The following COL21A1 variants were observed in gnomAD, a reference collection of about 807,000 sequenced individuals.
The protein encoded by COL21A1 is collagen type XXI alpha 1 chain.
A neutral mutation model predicts 137.9 loss-of-function variants in COL21A1; 149 were observed. That is an observed-to-expected ratio of 1.08 (90% CI 0.95 to 1.24). COL21A1 has a LOEUF of 1.24. Ranked by LOEUF, COL21A1 falls within the 50% of genes most tolerant of loss-of-function variation. The pLI, the probability that COL21A1 is intolerant of heterozygous loss-of-function variation, is 0.00. For synonymous variants in COL21A1, 456 were observed against 391.5 expected (o/e 1.16, Z -1.95); for missense variants, 1,167 against 1,158.4 (o/e 1.01, Z -0.11).
At chr6:56,326,280 G>T (rs901672012) in intron 1 of COL21A1, among the ~76,000 whole-genome samples, 1 of 150,956 alleles carries the variant, frequency 6.6e-6, no homozygotes, top group Non-Finnish European at 1.5e-5. Context: ...ATCAATGGAG[G>T]TTATTTTGAA....
chr6:56,280,361 G>T (rs1763761854), intron 1 of COL21A1, among the ~76,000 whole-genome samples: 1 of 152,058 alleles, frequency 6.6e-6, no homozygotes, highest in Admixed American at 6.6e-5. Flanking sequence ...GTTTTTCAAC[G>T]CTTCTCCAAA....
intron 1 of COL21A1, among the ~76,000 whole-genome samples, chr6:56,361,779 G>T (rs1765973823): frequency 6.6e-6 from 1 of 150,596 alleles, no homozygotes; most frequent in Non-Finnish European, 1.5e-5. Flanking sequence ...TGTGTGTGTG[G>T]TGTGTGTGTG....
chr6:56,283,342 C>G (rs545880979), intron 1 of COL21A1, among the ~76,000 whole-genome samples: 1 of 151,390 alleles, frequency 6.6e-6, no homozygotes, highest in African/African-American at 2.4e-5. Flanking sequence ...AATATTTAAC[C>G]ATGTAGAAAA....
In COL21A1 at chr6:56,364,014, G is replaced by A. The variant is rs550848470; in HGVS notation, c.-39+29957C>T. 3.2e-3 allele frequency among the ~76,000 whole-genome samples: 484 copies of A among 152,302 alleles called. 4 individuals carry two copies. The highest frequency in any genetic ancestry group is 0.011 in the African/African-American group (452 of 41,572). On this transcript the variant is annotated intron_variant, in intron 1 of 28. Transcript: ENST00000370819. ...TTGATGGCTGACATAATCAGCAAGC[G>A]TTCAATAGGTTGGAAAGCTGCCAAG...
At chr6:56,223,042 C>CAA (rs3065976) in intron 1 of COL21A1, among the ~76,000 whole-genome samples, 3 of 149,288 alleles carry the variant, frequency 2.0e-5, no homozygotes, top group Non-Finnish European at 3.0e-5. Flanking sequence ...CTATTCAGAA[C>CAA]AAAAAAAAAA....
chr6:56,073,654 T>C (rs1766956765), intron 20 of COL21A1, among the ~76,000 whole-genome samples: 1 of 151,534 alleles, frequency 6.6e-6, no homozygotes, highest in African/African-American at 2.4e-5. Flanking sequence ...CACAGGATTA[T>C]ATATAGCTAG....
intron 17 of COL21A1, among the ~76,000 whole-genome samples, chr6:56,095,584 C>T (rs1005834174): frequency 6.6e-6 from 1 of 152,202 alleles, no homozygotes; most frequent in African/African-American, 2.4e-5. Context: ...TCCCTAAAAG[C>T]TCACCTACTG....
intron 1 of COL21A1, among the ~76,000 whole-genome samples, chr6:56,284,418 C>T (rs765293280): frequency 4.6e-5 from 7 of 152,188 alleles, no homozygotes; most frequent in Non-Finnish European, 1.0e-4. Flanking sequence ...GGAAAACTTA[C>T]TGTTATCTTA....
chr6:56,310,976 T>C (rs1262629321), intron 1 of COL21A1, among the ~76,000 whole-genome samples: 4 of 152,188 alleles, frequency 2.6e-5, no homozygotes, highest in Non-Finnish European at 4.4e-5. Context: ...GGCACAGATG[T>C]AGCAAATTAA....
intron 1 of COL21A1, among the ~76,000 whole-genome samples, chr6:56,274,281 G>A (rs1763591016): frequency 6.6e-6 from 1 of 152,114 alleles, no homozygotes; most frequent in African/African-American, 2.4e-5. Context: ...GCCAAAGCTG[G>A]AAGCATTCCC....
intron 10 of COL21A1, among the ~76,000 whole-genome samples, chr6:56,142,405 C>A (rs1044012094): frequency 6.6e-6 from 1 of 152,122 alleles, no homozygotes; most frequent in African/African-American, 2.4e-5. Flanking sequence ...ATAAATTAAT[C>A]TTTAATTAAT....
intron 1 of COL21A1, among the ~76,000 whole-genome samples, chr6:56,288,730 T>G (rs1175216758): frequency 3.3e-5 from 5 of 152,174 alleles, no homozygotes; most frequent in Non-Finnish European, 7.4e-5. Flanking sequence ...AGCACTTTAA[T>G]GATTAGCTGC....
rs776370921 is a variant in COL21A1 at position 56,142,003 on chromosome 6, G to GA, written c.1435-21dup. 3.1e-5 allele frequency: 46 copies of GA among 1,466,614 alleles called. No individual in the cohort carries two copies. The highest frequency in any genetic ancestry group is 6.6e-5 in the South Asian group (5 of 75,306). The allele number at this position is 1,466,614 out of a possible 1,614,324, so 90.9% of individuals were successfully genotyped here. A position where few individuals can be genotyped will look rare whatever the true frequency, so the allele number is the denominator to read the frequency against. On this transcript the variant is annotated intron_variant, in intron 10 of 29. Coordinates refer to ENST00000244728, the MANE Select transcript of COL21A1 (RefSeq NM_030820.4). ...ATATCCCTAAAGAAAAATTTAAAAA[G>GA]AAAAAAAATAATATTTCATCATATT...
intron 9 of COL21A1, 145 bp downstream of exon 9, chr6:56,164,278 A>C: frequency 1.6e-6 from 1 of 624,014 alleles, no homozygotes; most frequent in Non-Finnish European, 2.8e-6. Context: ...TTTCTAGAAA[A>C]AAAATGACTA....
intron 13 of COL21A1, 68 bp downstream of exon 13, chr6:56,126,028 A>G: frequency 3.4e-6 from 3 of 883,736 alleles, no homozygotes; most frequent in Non-Finnish European, 5.2e-6. Flanking sequence ...TATTTGTAAT[A>G]TAAAAGTACT....
intron 9 of COL21A1, among the ~76,000 whole-genome samples, chr6:56,159,634 CT>C (rs11449474): frequency 0.023 from 2,812 of 123,536 alleles, 54 homozygotes; most frequent in African/African-American, 0.06. Context: ...CCTGGCCTTA[CT>C]TTTTTTTTTT....
chr6:56,164,355 G>A, intron 9 of COL21A1, 68 bp downstream of exon 9: 1 of 1,002,836 alleles, frequency 1.0e-6, no homozygotes, highest in Admixed American at 2.0e-5. Flanking sequence ...TGGTGATTAG[G>A]AATTGTATGG....
At chr6:56,366,266 A>C (rs965545897) in intron 1 of COL21A1, among the ~76,000 whole-genome samples, 4 of 152,190 alleles carry the variant, frequency 2.6e-5, no homozygotes, top group African/African-American at 9.7e-5. Context: ...CAGCCTCGCC[A>C]AGTCTGAGCC....
intron 12 of COL21A1, among the ~76,000 whole-genome samples, chr6:56,138,137 G>A (rs1264782554): frequency 6.6e-6 from 1 of 151,996 alleles, no homozygotes; most frequent in Non-Finnish European, 1.5e-5. Flanking sequence ...TCCATAAAAA[G>A]TAGAGAAATT....
Sources: allele counts gnomAD v4.1 joint callset (sites outside exome capture counted in the v4.1 genomes callset), GRCh38; gene constraint gnomAD v4.1.1; transcripts MANE v1.5; gene names NCBI Gene and HGNC (gene_info 2026-07-23, HGNC 2026-07-21).